The following LRRC37B variants were observed in gnomAD, a reference collection of about 807,000 sequenced individuals.
LRRC37B encodes leucine rich repeat containing 37B.
LRRC37B carries 28 observed loss-of-function variants against 98.3 expected under a neutral mutation model. The observed-to-expected ratio is 0.28, with a 90% CI of 0.21 to 0.39. The LOEUF (loss-of-function observed/expected upper bound fraction) is 0.39. Among genes scored for constraint, LRRC37B ranks in the 10% least tolerant of loss-of-function variants. The pLI, the probability that LRRC37B is intolerant of heterozygous loss-of-function variation, is 1.00. For missense variants in LRRC37B, 938 were observed against 1,182.7 expected (o/e 0.79, Z 3.03); for synonymous variants, 364 against 442.7 (o/e 0.82, Z 2.23).
chr17:32,038,865 T>G (rs978197418), intron 7 of LRRC37B, among the ~76,000 whole-genome samples: 7 of 152,038 alleles, frequency 4.6e-5, no homozygotes, highest in Non-Finnish European at 8.8e-5. Context: ...CTCAAAAAAA[T>G]AAAGAAAGAA....
rs1246199223 is a variant in LRRC37B at position 32,051,981 on chromosome 17, TTATTGGTGG to T, written c.2863-1282_2863-1274del. 35 of 151,632 alleles carry T rather than the reference TTATTGGTGG, an allele frequency of 2.3e-4. No individual in the cohort carries two copies. The East Asian group carries it at 6.4e-3, about 28-fold the overall frequency. 9.4% of individuals were successfully genotyped at this position (151,632 alleles called of 1,614,324 possible). On this transcript the variant is annotated intron_variant, in intron 11 of 11. Coordinates refer to ENST00000327564, the Ensembl canonical transcript of LRRC37B. ...GATCTTTCTTCCATTTTCTAGTTAGTTATTGGTGGTACATCTGAAAAGCATTTGAGGTTT... is the reference window on the plus strand; with the variant it reads ...GATCTTTCTTCCATTTTCTAGTTAGTTACATCTGAAAAGCATTTGAGGTTT...
At chr17:32,040,387 G>A (rs1911389763) in intron 7 of LRRC37B, 2 of 470,218 alleles carry the variant, frequency 4.3e-6, no homozygotes, top group Non-Finnish European at 8.0e-6. Context: ...GCACCTGGGA[G>A]CCTGTTGCTG....
intron 8 of LRRC37B, chr17:32,047,094 A>T (rs1911606614): frequency 6.4e-6 from 1 of 155,764 alleles, no homozygotes; most frequent in African/African-American, 2.4e-5. Flanking sequence ...TACACCCTGG[A>T]TCCCTGCCCA....
At chr17:32,035,150 G>T (rs1297880644) in intron 6 of LRRC37B, among the ~76,000 whole-genome samples, 169 bp downstream of exon 9, 1 of 152,114 alleles carries the variant, frequency 6.6e-6, no homozygotes, top group Non-Finnish European at 1.5e-5. Context: ...ATGTATAATG[G>T]TCAAGACAGC....
intron 9 of LRRC37B, 107 bp downstream of exon 12, chr17:32,048,008 G>C: frequency 6.3e-7 from 1 of 1,584,526 alleles, no homozygotes; most frequent in Non-Finnish European, 8.7e-7. Context: ...TATTGTTACC[G>C]TTCACTGAAC....
At chr17:32,025,081 G>C (rs545941001) in intron 2 of LRRC37B, among the ~76,000 whole-genome samples, 115 of 98,886 alleles carry the variant, frequency 1.2e-3, no homozygotes, top group Non-Finnish European at 1.9e-3. Flanking sequence ...TTGTCCCCTG[G>C]GCTGGAGTGC....
intron 7 of LRRC37B, among the ~76,000 whole-genome samples, chr17:32,039,677 C>CCA (rs1197971186): frequency 2.0e-5 from 3 of 147,628 alleles, no homozygotes; most frequent in East Asian, 3.9e-4. Context: ...AATTGTGCCA[C>CCA]CACCACCCCC....
chr17:32,023,235 C>T (rs901810558), intron 1 of LRRC37B, among the ~76,000 whole-genome samples: 7 of 151,746 alleles, frequency 4.6e-5, no homozygotes, highest in Non-Finnish European at 7.4e-5. Context: ...GATTCTCCTG[C>T]CTCAGCCTCC....
chr17:32,031,278 G>C (rs552293760), intron 4 of LRRC37B, 100 bp from the exon 8 acceptor site: 1 of 1,532,164 alleles, frequency 6.5e-7, no homozygotes, highest in East Asian at 2.4e-5. Context: ...ACAGAGAAAA[G>C]ATTGAGGTGA....
In LRRC37B at chr17:32,030,553, G is replaced by C. The variant is rs564841928; in HGVS notation, c.1905-103G>C. ...TACAGGTCCAAATGTTTAGAGTCGAGATGAAAAATGTGTATTCAATATTAT... is the reference window on the plus strand; with the variant it reads ...TACAGGTCCAAATGTTTAGAGTCGACATGAAAAATGTGTATTCAATATTAT... On this transcript the variant is annotated intron_variant, in intron 3 of 11. Transcript: ENST00000327564. The C allele has an allele frequency of 1.4e-5, 14 of 1,024,400 alleles. No homozygotes were observed. The African/African-American group carries it at 2.1e-4, about 15-fold the overall frequency. 63.5% of individuals were successfully genotyped at this position (1,024,400 alleles called of 1,614,324 possible).
intron 1 of LRRC37B, among the ~76,000 whole-genome samples, chr17:32,023,365 C>T (rs1157385971): frequency 6.6e-6 from 1 of 152,122 alleles, no homozygotes; most frequent in Non-Finnish European, 1.5e-5. Context: ...TCAGGCGATC[C>T]ACCCACTTTA....
chr17:32,021,696 A>C, exon 1 of LRRC37B: 1 of 1,614,240 alleles, frequency 6.2e-7, no homozygotes, highest in Non-Finnish European at 8.5e-7. Context: ...AAGACCAACC[A>C]AATTTGTTGT....
chr17:32,029,298 A>C (rs1027787329), intron 3 of LRRC37B, among the ~76,000 whole-genome samples: 4 of 152,158 alleles, frequency 2.6e-5, no homozygotes, highest in Non-Finnish European at 5.9e-5. Context: ...GCGCCCGGCC[A>C]GCTATTCATT....
At chr17:32,043,744 A>G (rs1359397113) in intron 7 of LRRC37B, among the ~76,000 whole-genome samples, 16 of 152,270 alleles carry the variant, frequency 1.1e-4, no homozygotes, top group South Asian at 2.1e-4. Context: ...CTTACTGGAT[A>G]CAGTTTTAAT....
chr17:32,018,988 A>G (rs572665901), upstream of LRRC37B, among the ~76,000 whole-genome samples: 1 of 152,190 alleles, frequency 6.6e-6, no homozygotes, highest in South Asian at 2.1e-4. Flanking sequence ...GTGCGATGGC[A>G]CGATCTCAGC....
At chr17:32,027,894 A>T in intron 3 of LRRC37B, 54 bp downstream of exon 6, 1 of 1,160,772 alleles carries the variant, frequency 8.6e-7, no homozygotes. Context: ...TTTAAAATGA[A>T]TAAGAGGTTC....
At chr17:32,030,556 G>A in intron 3 of LRRC37B, 100 bp from the exon 7 acceptor site, 2 of 1,095,338 alleles carry the variant, frequency 1.8e-6, no homozygotes, top group Admixed American at 3.1e-5. Flanking sequence ...GAGTCGAGAT[G>A]AAAAATGTGT....
At chr17:32,049,260 C>T in exon 10 of LRRC37B, 4 of 1,613,332 alleles carry the variant, frequency 2.5e-6, no homozygotes, top group Non-Finnish European at 3.4e-6. Flanking sequence ...GCGAACAGGC[C>T]TCCTGATGAA....
intron 2 of LRRC37B, among the ~76,000 whole-genome samples, chr17:32,027,541 G>A (rs1911003648): frequency 6.6e-6 from 1 of 151,540 alleles, no homozygotes; most frequent in Non-Finnish European, 1.5e-5. Context: ...GTGTGTGTGT[G>A]TGCCTGCAAA....
Sources: gnomAD v4.1 joint callset for allele counts (sites outside exome capture counted in the v4.1 genomes callset) on GRCh38, gnomAD v4.1.1 for gene constraint, MANE v1.5 for transcripts, NCBI Gene and HGNC (gene_info 2026-07-23, HGNC 2026-07-21) for gene names.